Variants in TRAPPC12 observed in about 807,000 individuals in gnomAD.
The protein encoded by TRAPPC12 is trafficking protein particle complex subunit 12.
In TRAPPC12, 61 loss-of-function variants were observed where a neutral mutation model predicts 69.2. The ratio of observed to expected loss-of-function variants is 0.88; its 90% CI spans 0.72 to 1.09. The LOEUF (loss-of-function observed/expected upper bound fraction) is 1.09, where lower values mean the gene tolerates loss of function less well. Ranked by LOEUF, TRAPPC12 falls within the 50% of genes least tolerant of loss-of-function variation. The pLI is 0.00. For synonymous variants in TRAPPC12, 469 were observed against 438.9 expected (o/e 1.07, Z -0.86); for missense variants, 1,101 against 1,016.4 (o/e 1.08, Z -1.13).
intron 6 of TRAPPC12, chr2:3,457,049 A>G (rs1263641990): frequency 6.5e-6 from 3 of 460,742 alleles, no homozygotes; most frequent in South Asian, 3.1e-5. Context: ...TGATGTTTAC[A>G]GTGTGTCCCT....
intron 3 of TRAPPC12, 105 bp from the exon 4 acceptor site, chr2:3,421,776 C>A: frequency 9.4e-7 from 1 of 1,064,242 alleles, no homozygotes. Context: ...GCTGGCGCTG[C>A]TTCCAGCAAG....
At position 3,388,616 on chromosome 2, in the gene TRAPPC12, G is replaced by A. The variant is rs140519986; in HGVS notation, c.993G>A (p.Val331=). Residue 331 remains valine (V), a synonymous_variant, in exon 2 of 12, where the codon GTG becomes GTA. Transcript: ENST00000324266. ...RAVATQQRGA[V]FVDKENLTMP... ...TGGCCACCCAGCAGCGCGGCGCCGT[G>A]TTCGTGGACAAGGAGAACCTCACCA... The A allele has an allele frequency of 3.9e-4, 616 of 1,599,032 alleles. 2 individuals carry two copies. In the African/African-American group the frequency reaches 7.5e-3, roughly 19 times the overall value.
At chr2:3,462,603 A>G (rs1386794454) in intron 8 of TRAPPC12, among the ~76,000 whole-genome samples, 2 of 152,274 alleles carry the variant, frequency 1.3e-5, no homozygotes, top group African/African-American at 4.8e-5. Context: ...TAGCAATGAA[A>G]TGTATTCATA....
intron 9 of TRAPPC12, among the ~76,000 whole-genome samples, chr2:3,471,251 C>A (rs767104594): frequency 6.6e-6 from 1 of 152,220 alleles, no homozygotes; most frequent in Non-Finnish European, 1.5e-5. Flanking sequence ...AGCAAAGGGT[C>A]ACCTGTTCGG....
chr2:3,414,814 G>A lies in TRAPPC12; in HGVS notation c.1165-7067G>A, dbSNP rs990005657. On this transcript the variant is annotated intron_variant, in intron 3 of 11. Coordinates refer to ENST00000324266, the MANE Select transcript of TRAPPC12 (RefSeq NM_016030.6). The surrounding 1 kb of genome is among the most constrained non-coding windows in gnomAD (Gnocchi z 4.9). ...CGGTGTCTCCCACACTGGAGTGTCC[G>A]TATTTCATAAACACACGTATGTGTG... 3.3e-5 allele frequency among the ~76,000 whole-genome samples: 5 copies of A among 152,140 alleles called. No homozygotes were observed. The highest frequency in any genetic ancestry group is 2.0e-4 in the Admixed American group (3 of 15,268).
chr2:3,429,919 G>A, intron 5 of TRAPPC12, among the ~76,000 whole-genome samples: 1 of 152,194 alleles, frequency 6.6e-6, no homozygotes, highest in East Asian at 1.9e-4. Flanking sequence ...GATACAGCCT[G>A]TGAACCTCCT....
rs749467670 is a variant in TRAPPC12 at position 3,479,314 on chromosome 2, C to T, written c.2061C>T (p.His687=). Residue 687 remains histidine, a synonymous_variant, in exon 12 of 12, where the codon CAC becomes CAT. Transcript: ENST00000324266. ...LEAMVQQDPR[H]YLHESVLFNL... is the part of the protein sequence containing the mutation. ...CCATGGTCCAGCAGGACCCCAGGCACTACCTGCACGAGAGCGTGCTCTTCA... is the reference window on the plus strand; with the variant it reads ...CCATGGTCCAGCAGGACCCCAGGCATTACCTGCACGAGAGCGTGCTCTTCA... 16 of 1,614,224 alleles carry T rather than the reference C, an allele frequency of 9.9e-6. No individual in the cohort carries two copies. Among genetic ancestry groups the T allele is most frequent in the African/African-American group, 2.7e-5 (2 of 75,078 alleles).
chr2:3,462,656 CA>C (rs1350629613), intron 8 of TRAPPC12, among the ~76,000 whole-genome samples: 1 of 152,252 alleles, frequency 6.6e-6, no homozygotes, highest in African/African-American at 2.4e-5. Flanking sequence ...CTATAATGCA[CA>C]GTGGCATGTA....
chr2:3,441,115 A>C (rs1213712199), intron 5 of TRAPPC12, among the ~76,000 whole-genome samples: 2 of 151,930 alleles, frequency 1.3e-5, no homozygotes, highest in Non-Finnish European at 2.9e-5. Flanking sequence ...AGATTTTTGC[A>C]TTTATGTTCA....
intron 5 of TRAPPC12, among the ~76,000 whole-genome samples, chr2:3,427,516 C>T (rs189487740): frequency 6.6e-6 from 1 of 152,380 alleles, no homozygotes; most frequent in African/African-American, 2.4e-5. Context: ...TCTTACAACA[C>T]CTGCTTCTGA....
At chr2:3,436,655 T>C (rs550949618) in intron 5 of TRAPPC12, among the ~76,000 whole-genome samples, 3 of 152,054 alleles carry the variant, frequency 2.0e-5, no homozygotes, top group East Asian at 3.9e-4. Context: ...TTTCAACAAA[T>C]TAATGGCGTT....
rs753838489 is a variant in TRAPPC12 at position 3,443,879 on chromosome 2, T to C, written c.1518T>C (p.Thr506=). 3 of 1,613,684 alleles carry C rather than the reference T, an allele frequency of 1.9e-6. No homozygotes were observed. Among genetic ancestry groups the C allele is most frequent in the South Asian group, 1.1e-5 (1 of 91,066 alleles). ...TGGATAGACTGCACAAGGTGAAGACTGTCTGCAGCAAGGTAGGTGGCGCTG... is the reference window on the plus strand; with the variant it reads ...TGGATAGACTGCACAAGGTGAAGACCGTCTGCAGCAAGGTAGGTGGCGCTG... ...ESLDRLHKVK[T]VCSKILANLE... The change falls in exon 6 of 12, where the codon ACT becomes ACC. Residue 506 remains threonine, a synonymous_variant. Transcript: ENST00000324266.
rs1024064808 is a variant in TRAPPC12 at position 3,402,743 on chromosome 2, C to T, written c.1164+850C>T. On this transcript the variant is annotated intron_variant, in intron 3 of 11. Transcript: ENST00000324266. The stretch of plus-strand genomic sequence containing the variant: ...AGGAGAAGATATTGGAAGTTTGTCG[C>T]GTATGTTTCCTTCAGGAATCCTATG... 4.6e-5 allele frequency among the ~76,000 whole-genome samples: 7 copies of T among 152,286 alleles called. No homozygotes were observed. The South Asian group carries it at 1.0e-3, about 23-fold the overall frequency.
At chr2:3,383,558 C>T (rs1371901415) in intron 1 of TRAPPC12, among the ~76,000 whole-genome samples, 2 of 151,900 alleles carry the variant, frequency 1.3e-5, no homozygotes, top group Non-Finnish European at 2.9e-5. Context: ...AGGTGCCCGC[C>T]ACCACACCTG....
intron 10 of TRAPPC12, chr2:3,478,110 G>T (rs931183488): frequency 2.0e-4 from 13 of 66,176 alleles, no homozygotes; most frequent in Admixed American, 5.5e-4. Context: ...TCTGGATCCT[G>T]TGCTCTGGTG....
Position 3,465,759 on chromosome 2 carries a change from G to A in TRAPPC12, c.1776+64G>A, listed in dbSNP as rs945168598. On this transcript the variant is annotated intron_variant, in intron 9 of 11. Transcript: ENST00000324266. ...ATGATAGTTCTTTGCTCAGATGGGC[G>A]ACTGTTTGCTTTTAATCATTTTAAT... The A allele has an allele frequency of 9.2e-5, 99 of 1,076,254 alleles. 3 individuals carry two copies. The highest frequency in any genetic ancestry group is 6.3e-4 in the South Asian group (50 of 79,582). 66.7% of individuals were successfully genotyped at this position (1,076,254 alleles called of 1,614,324 possible).
rs368463626 is a variant in TRAPPC12, at chr2:3,445,991, T to G, written c.1530+2100T>G. 2.6e-5 allele frequency among the ~76,000 whole-genome samples: 4 copies of G among 152,320 alleles called. 1 individual carries two copies. Among genetic ancestry groups the G allele is most frequent in the African/African-American group, 9.6e-5 (4 of 41,576 alleles). On this transcript the variant is annotated intron_variant, in intron 6 of 11. Coordinates refer to ENST00000324266, the MANE Select transcript of TRAPPC12 (RefSeq NM_016030.6). ...GAGGGGGCTTCCAAGCAACAGCAGT[T>G]GACAGCTAAGCATCGTAGGGTTGGG...
At chr2:3,458,255 C>T (rs911119780) in intron 7 of TRAPPC12, 27 of 987,034 alleles carry the variant, frequency 2.7e-5, no homozygotes, top group Non-Finnish European at 3.0e-5. Flanking sequence ...TCGGGGAGTG[C>T]GTTAGCCAGG....
At chr2:3,426,986 A>G (rs1663140828) in intron 5 of TRAPPC12, among the ~76,000 whole-genome samples, 1 of 152,202 alleles carries the variant, frequency 6.6e-6, no homozygotes, top group African/African-American at 2.4e-5. Flanking sequence ...CTTTCCGTGT[A>G]AGACCGAATT....
Sources: allele counts gnomAD v4.1 joint callset (sites outside exome capture counted in the v4.1 genomes callset), GRCh38; gene constraint gnomAD v4.1.1; non-coding constraint Gnocchi (gnomAD v3.1); transcripts MANE v1.5; gene names NCBI Gene and HGNC (gene_info 2026-07-23, HGNC 2026-07-21).